Variants in PTCHD4 observed in about 807,000 individuals in gnomAD.
PTCHD4 encodes the protein patched domain containing 4.
Under a neutral mutation model 58.1 loss-of-function variants are expected in PTCHD4, and 33 were observed. The ratio of observed to expected loss-of-function variants is 0.57; its 90% confidence interval spans 0.43 to 0.76. PTCHD4 has a LOEUF of 0.76. PTCHD4 is among the 30% of genes least tolerant of loss of function. The pLI is 0.00. For synonymous variants in PTCHD4, 478 were observed against 409.6 expected (o/e 1.17, Z -2.02); for missense variants, 1,058 against 1,027.1 (o/e 1.03, Z -0.41).
chr6:48,007,198 A>G (rs1351185102), intron 4 of PTCHD4, among the ~76,000 whole-genome samples: 1 of 152,074 alleles, frequency 6.6e-6, no homozygotes, highest in Non-Finnish European at 1.5e-5. Context: ...TGAGATCGTG[A>G]CACTGCACTC....
intron 4 of PTCHD4, among the ~76,000 whole-genome samples, chr6:47,968,050 C>T (rs1430177078): frequency 6.6e-6 from 1 of 152,170 alleles, no homozygotes; most frequent in Non-Finnish European, 1.5e-5. Flanking sequence ...TTTTGGCTTA[C>T]CTCTCGTTTT....
At chr6:47,900,822 T>C (rs1764671757) in intron 4 of PTCHD4, 1 of 152,250 alleles carries the variant, frequency 6.6e-6, no homozygotes, top group South Asian at 2.1e-4. Context: ...ATTATGTTAA[T>C]GATTTTCAAA....
intron 3 of PTCHD4, among the ~76,000 whole-genome samples, chr6:48,048,101 A>G (rs1346789867): frequency 6.6e-6 from 1 of 151,576 alleles, no homozygotes; most frequent in South Asian, 2.1e-4. Context: ...GGGGTAATGA[A>G]CTGTTGTGAA....
chr6:48,065,314 C>T (rs1764760126), intron 3 of PTCHD4, among the ~76,000 whole-genome samples: 1 of 152,156 alleles, frequency 6.6e-6, no homozygotes, highest in African/African-American at 2.4e-5. Flanking sequence ...AATTTTCTGC[C>T]TTCCAATAGC....
At chr6:48,020,138 T>A (rs993213692) in intron 3 of PTCHD4, among the ~76,000 whole-genome samples, 3 of 152,168 alleles carry the variant, frequency 2.0e-5, no homozygotes, top group Non-Finnish European at 4.4e-5. Context: ...CGCTGCAATG[T>A]GAAAAATGAA....
rs115037094 is a variant in PTCHD4, at chr6:47,976,978, C to T, written c.898+31656G>A. 2.0e-3 allele frequency among the ~76,000 whole-genome samples: 309 copies of T among 152,098 alleles called. 1 individual carries two copies. The highest frequency in any genetic ancestry group is 6.8e-3 in the Middle Eastern group (2 of 294). ...AGAAGATAAAGTAACATAACTTTAT[C>T]GAAAAGTAATTCGAGGATGTTATTA... On this transcript the variant is annotated intron_variant, in intron 4 of 4. Coordinates refer to ENST00000339488, the MANE Select transcript of PTCHD4 (RefSeq NM_001384253.1).
In PTCHD4 at chr6:47,879,141, T is replaced by C. The variant is rs1379988679; in HGVS notation, c.1694A>G (p.Lys565Arg). The stretch of plus-strand genomic sequence containing the variant: ...TTGCAGGACACTGATGAAGTCACTT[T>C]TGTTATTGGCACTGACGTTGCTGAC... Reference protein sequence around the residue: ...LKVSNVSANNKSDFISVLQSS... With the variant: ...LKVSNVSANNRSDFISVLQSS... The change falls in exon 5 of 5, where the codon AAA becomes AGA. Residue 565 changes from lysine (K) to arginine (R), a missense_variant. Lys to Arg is a conservative substitution (Grantham distance 26, BLOSUM62 2). Transcript: ENST00000339488. 2 of 1,612,082 alleles carry C rather than the reference T, an allele frequency of 1.2e-6. No individual in the cohort carries two copies. Among genetic ancestry groups the C allele is most frequent in the Non-Finnish European group, 1.7e-6 (2 of 1,179,702 alleles).
At chr6:48,082,874 G>T (rs1030996410) in intron 1 of PTCHD4, among the ~76,000 whole-genome samples, 1 of 151,832 alleles carries the variant, frequency 6.6e-6, no homozygotes, top group Non-Finnish European at 1.5e-5. Context: ...ATATAATTTA[G>T]TGCAGAACAG....
chr6:47,884,239 A>C (rs865890943), intron 4 of PTCHD4, among the ~76,000 whole-genome samples: 6 of 151,962 alleles, frequency 3.9e-5, no homozygotes, highest in African/African-American at 1.5e-4. Flanking sequence ...TACTCTTGCA[A>C]CTCTGTCCAG....
intron 4 of PTCHD4, among the ~76,000 whole-genome samples, chr6:47,937,160 A>C (rs1015011211): frequency 6.6e-6 from 1 of 152,338 alleles, no homozygotes; most frequent in Admixed American, 6.5e-5. Context: ...AGAATCAACT[A>C]TGAAGTTTTG....
intron 3 of PTCHD4, among the ~76,000 whole-genome samples, chr6:48,041,790 A>G (rs1763857156): frequency 1.3e-5 from 2 of 151,962 alleles, no homozygotes; most frequent in Non-Finnish European, 2.9e-5. Flanking sequence ...TTTAACCGTA[A>G]TTGCTAGAAT....
At position 48,076,299 on chromosome 6, in the gene PTCHD4, T is replaced by G. The variant is rs559129438; in HGVS notation, c.-969-6373A>C. On this transcript the variant is annotated intron_variant, in intron 1 of 4. Transcript: ENST00000339488. The stretch of plus-strand genomic sequence containing the variant: ...TCTGCTGTTGCTTTCTCCACTGAAG[T>G]CTTAAATTCCTCAAAGTTATCCATA... Among the ~76,000 whole-genome samples the G allele has an allele frequency of 2.0e-5, 3 of 152,346 alleles. No individual in the cohort carries two copies. The East Asian group carries it at 5.8e-4, about 29-fold the overall frequency.
At chr6:47,962,962 C>T (rs1325056053) in intron 4 of PTCHD4, among the ~76,000 whole-genome samples, 2 of 151,714 alleles carry the variant, frequency 1.3e-5, no homozygotes, top group Non-Finnish European at 2.9e-5. Flanking sequence ...GAGTTCAAGA[C>T]CAGCCTGGGT....
At chr6:48,037,481 C>T (rs1316279953) in intron 3 of PTCHD4, among the ~76,000 whole-genome samples, 1 of 152,094 alleles carries the variant, frequency 6.6e-6, no homozygotes, top group Non-Finnish European at 1.5e-5. Flanking sequence ...GCCAAGGTTC[C>T]CTTTTATTAG....
chr6:47,896,153 A>T (rs1208502335), intron 4 of PTCHD4, among the ~76,000 whole-genome samples: 1 of 152,170 alleles, frequency 6.6e-6, no homozygotes, highest in Non-Finnish European at 1.5e-5. Context: ...AGAGATGAAC[A>T]TTTACCTGCT....
Position 48,068,789 on chromosome 6 carries a change from G to C in PTCHD4, c.6-148C>G. The C allele has an allele frequency of 2.9e-6, 2 of 686,382 alleles. No individual in the cohort carries two copies. The highest frequency in any genetic ancestry group is 2.4e-6 in the Non-Finnish European group (1 of 423,648). 42.5% of individuals were successfully genotyped at this position (686,382 alleles called of 1,614,324 possible). A position where few individuals can be genotyped will look rare whatever the true frequency, so the allele number is the denominator to read the frequency against. On this transcript the variant is annotated intron_variant, in intron 2 of 4. Coordinates refer to ENST00000339488, the MANE Select transcript of PTCHD4 (RefSeq NM_001384253.1). The surrounding 1 kb of genome is among the most constrained non-coding windows in gnomAD (Gnocchi z 4.2). ...CAACCACTCCGCCTGGTCTTTCCCC[G>C]GCCCCACCTCCATGCGCTCCTACTA... is the stretch of plus-strand genomic sequence containing the variant.
At chr6:48,058,234 T>C (rs1315721810) in intron 3 of PTCHD4, among the ~76,000 whole-genome samples, 2 of 152,244 alleles carry the variant, frequency 1.3e-5, no homozygotes, top group Non-Finnish European at 2.9e-5. Context: ...GCAGGGCTTG[T>C]TGGGCGCTAG....
chr6:48,045,785 T>C (rs1215296486), intron 3 of PTCHD4, among the ~76,000 whole-genome samples: 1 of 151,554 alleles, frequency 6.6e-6, no homozygotes, highest in African/African-American at 2.4e-5. Flanking sequence ...TTTCTTTTTT[T>C]TTTTTCCCAC....
chr6:47,993,138 G>A (rs143653915), intron 4 of PTCHD4, among the ~76,000 whole-genome samples: 2,679 of 152,208 alleles, frequency 0.018, 38 homozygotes, highest in South Asian at 0.047. Flanking sequence ...ACAATTATAC[G>A]TCAAACTACT....
Sources: allele counts gnomAD v4.1 joint callset (sites outside exome capture counted in the v4.1 genomes callset), GRCh38; gene constraint gnomAD v4.1.1; non-coding constraint Gnocchi (gnomAD v3.1); transcripts MANE v1.5; gene names NCBI Gene and HGNC (gene_info 2026-07-23, HGNC 2026-07-21).